The following ADGRG1 variants were observed in gnomAD, a reference collection of about 807,000 sequenced individuals.
The protein encoded by ADGRG1 is adhesion G protein-coupled receptor G1.
Under a neutral mutation model 73.5 loss-of-function variants are expected in ADGRG1, and 53 were observed. The observed-to-expected ratio is 0.72, with a 90% confidence interval of 0.58 to 0.91. The LOEUF (loss-of-function observed/expected upper bound fraction) is 0.91. ADGRG1 is among the 40% of genes least tolerant of loss of function. ADGRG1 has a pLI of 0.00. For missense variants in ADGRG1, 795 were observed against 871.8 expected, an observed-to-expected ratio of 0.91 and a Z score of 1.11; for synonymous variants, 394 against 374.4, an observed-to-expected ratio of 1.05 and a Z score of -0.60.
At chr16:57,646,787 G>C (rs1423881533) in intron 1 of ADGRG1, 1 of 853,088 alleles carries the variant, frequency 1.2e-6, no homozygotes, top group Middle Eastern at 5.9e-4. Flanking sequence ...GTAGCAGTGA[G>C]ACCCGTATCA....
intron 1 of ADGRG1, chr16:57,634,510 G>A (rs1366277660): frequency 3.1e-6 from 3 of 973,400 alleles, no homozygotes; most frequent in Non-Finnish European, 3.7e-6. Flanking sequence ...AGTGCTGCTG[G>A]CCCTCTAAGA....
chr16:57,661,786 C>T lies in ADGRG1; in HGVS notation c.1754C>T (p.Thr585Ile). 6.2e-7 allele frequency: 1 copy of T among 1,614,260 alleles called. No homozygotes were observed. The highest frequency in any genetic ancestry group is 8.5e-7 in the Non-Finnish European group (1 of 1,180,038). Residue 585 changes from threonine to isoleucine, a missense_variant, in exon 13 of 14, where the codon ACC becomes ATC. Transcript: ENST00000562631. Reference sequence around the variant, plus strand: ...CTGTTCAACATGGCCATGCTAGCCACCATGGTGGTGCAGATCCTGCGGCTG... The same window carrying T: ...CTGTTCAACATGGCCATGCTAGCCATCATGGTGGTGCAGATCCTGCGGCTG... The part of the protein sequence containing the change: ...VFLFNMAMLA[T>I]MVVQILRLRP...
intron 5 of ADGRG1, 153 bp from the exon 6 acceptor site, chr16:57,655,246 G>A (rs2045388773): frequency 2.0e-6 from 2 of 985,486 alleles, no homozygotes; most frequent in Non-Finnish European, 1.2e-6. Flanking sequence ...GAGGGATGAG[G>A]AGGGCTGTCA....
At chr16:57,632,673 G>C in intron 1 of ADGRG1, 1 of 544,196 alleles carries the variant, frequency 1.8e-6, no homozygotes, top group Non-Finnish European at 2.3e-6. Context: ...GGAGGCCAGT[G>C]TGGTGGGCGT....
intron 5 of ADGRG1, chr16:57,655,024 A>G (rs1868681): frequency 1.0e-6 from 1 of 980,236 alleles, no homozygotes; most frequent in Non-Finnish European, 1.2e-6. Flanking sequence ...CCAGCCACAC[A>G]CCCCATCTTG....
rs761336676 is a variant in ADGRG1, at chr16:57,663,448, G to A, written c.1934-4G>A. The A allele has an allele frequency of 3.2e-5, 52 of 1,613,742 alleles. No homozygotes were observed. Among genetic ancestry groups the A allele is most frequent in the Middle Eastern group, 1.6e-4 (1 of 6,082 alleles). ...TGCTGACCCCGTGCCCTCACTGCCC[G>A]CAGGCTTCCTCATCTTCATCTGGTA... On this transcript the variant is annotated splice_polypyrimidine_tract_variant and splice_region_variant and intron_variant, in intron 13 of 13. Coordinates refer to ENST00000562631, the MANE Select transcript of ADGRG1 (RefSeq NM_201525.4).
chr16:57,630,800 C>T (rs1206032154), intron 1 of ADGRG1: 13 of 317,124 alleles, frequency 4.1e-5, no homozygotes, highest in Middle Eastern at 1.5e-3. Context: ...GGGGAAGGGA[C>T]TGATGTCTGT....
chr16:57,647,178 C>T (rs1228693505), intron 1 of ADGRG1: 2 of 985,220 alleles, frequency 2.0e-6, no homozygotes, highest in African/African-American at 1.7e-5. Flanking sequence ...GTCCCCCTGC[C>T]CAATCTGTGT....
chr16:57,649,085 A>C (rs1310103011), intron 1 of ADGRG1, among the ~76,000 whole-genome samples: 1 of 152,194 alleles, frequency 6.6e-6, no homozygotes, highest in Non-Finnish European at 1.5e-5. Flanking sequence ...TTAGGGGGTC[A>C]GATTTGCTCC....
chr16:57,644,848 G>T (rs2042095791), intron 1 of ADGRG1, among the ~76,000 whole-genome samples: 1 of 125,818 alleles, frequency 7.9e-6, no homozygotes, highest in Non-Finnish European at 1.6e-5. Context: ...CACTCATGCA[G>T]GGCACACACA....
Position 57,663,457 on chromosome 16 carries a change from C to T in ADGRG1, c.1939C>T (p.Leu647Phe), listed in dbSNP as rs1461299145. Residue 647 changes from leucine to phenylalanine, a missense_variant, in exon 14 of 14, where the codon CTC becomes TTC. Transcript: ENST00000562631. Reference sequence around the variant, plus strand: ...CGTGCCCTCACTGCCCGCAGGCTTCCTCATCTTCATCTGGTACTGGTCCAT... The same window carrying T: ...CGTGCCCTCACTGCCCGCAGGCTTCTTCATCTTCATCTGGTACTGGTCCAT... ...FSIITSFQGF[L>F]IFIWYWSMRL... 1.2e-6 allele frequency: 2 copies of T among 1,613,924 alleles called. No individual in the cohort carries two copies. The highest frequency in any genetic ancestry group is 2.2e-5 in the East Asian group (1 of 44,880).
At chr16:57,659,271 C>A in intron 10 of ADGRG1, 142 bp from the exon 11 acceptor site, 1 of 1,524,266 alleles carries the variant, frequency 6.6e-7, no homozygotes, top group Non-Finnish European at 8.8e-7. Flanking sequence ...GCTGCAGCCA[C>A]AGGAATAGGA....
At chr16:57,663,317 G>A (rs1175076658) in intron 13 of ADGRG1, 135 bp from the exon 14 acceptor site, 8 of 1,530,300 alleles carry the variant, frequency 5.2e-6, no homozygotes, top group Non-Finnish European at 6.1e-6. Context: ...TGGGTCTCAT[G>A]GGTGCCCGAC....
At chr16:57,655,058 G>T (rs1378214865) in intron 5 of ADGRG1, 3 of 985,236 alleles carry the variant, frequency 3.0e-6, no homozygotes, top group Non-Finnish European at 3.6e-6. Flanking sequence ...AGTGGCTCTG[G>T]TTAGCTGGGA....
At chr16:57,643,987 C>G in intron 1 of ADGRG1, 5 of 985,000 alleles carry the variant, frequency 5.1e-6, no homozygotes, top group Non-Finnish European at 6.0e-6. Context: ...CATGCTATTT[C>G]CAAGTAAGAT....
chr16:57,644,981 C>T (rs1186441887), intron 1 of ADGRG1: 2 of 751,200 alleles, frequency 2.7e-6, no homozygotes, highest in Admixed American at 1.3e-4. Flanking sequence ...GGCACACACC[C>T]CCATGCACAC....
At chr16:57,622,606 G>A (rs1315381012) in intron 2 of ADGRG1, 6 of 179,584 alleles carry the variant, frequency 3.3e-5, no homozygotes, top group Non-Finnish European at 6.4e-5. Flanking sequence ...GTGAGGGAAG[G>A]GCTTATTAGA....
intron 11 of ADGRG1, 31 bp from the exon 12 acceptor site, chr16:57,660,737 G>C (rs1288366898): frequency 5.9e-6 from 9 of 1,519,052 alleles, no homozygotes; most frequent in Non-Finnish European, 8.2e-6. Context: ...CAGAGAGCGG[G>C]AAGTAGAGCA....
Position 57,663,646 on chromosome 16 carries a change from C to T in ADGRG1, c.*64C>T. The T allele has an allele frequency of 6.3e-7, 1 of 1,574,952 alleles. No individual in the cohort carries two copies. The highest frequency in any genetic ancestry group is 1.7e-5 in the Admixed American group (1 of 59,916). ...CGGCCTCGTCGCACACTGCCTGTGGCCCCCGAGCCCGGCCCAGCCCCAGGC... is the reference window on the plus strand; with the variant it reads ...CGGCCTCGTCGCACACTGCCTGTGGTCCCCGAGCCCGGCCCAGCCCCAGGC... On this transcript the variant is annotated 3_prime_UTR_variant, in exon 14 of 14. Transcript: ENST00000562631.
Sources: gnomAD v4.1 joint callset for allele counts (sites outside exome capture counted in the v4.1 genomes callset) on GRCh38, gnomAD v4.1.1 for gene constraint, MANE v1.5 for transcripts, NCBI Gene and HGNC (gene_info 2026-07-23, HGNC 2026-07-21) for gene names.